Variants in SDHAF3 observed in about 807,000 individuals in gnomAD.
SDHAF3 encodes the protein succinate dehydrogenase complex assembly factor 3.
SDHAF3 carries 18 observed loss-of-function variants against 11.5 expected under a neutral mutation model. That is an observed-to-expected ratio of 1.56 (90% confidence interval 1.08 to 2.32). The LOEUF (loss-of-function observed/expected upper bound fraction) is 2.32. SDHAF3 is among the 30% of genes most tolerant of loss of function. The pLI, the probability that SDHAF3 is intolerant of heterozygous loss-of-function variation, is 0.00. For synonymous variants in SDHAF3, 72 were observed against 59.3 expected, an observed-to-expected ratio of 1.21 and a Z score of -0.99; for missense variants, 200 against 154.4, an observed-to-expected ratio of 1.30 and a Z score of -1.57.
At chr7:97,138,352 A>AG (rs1447362966) in intron 1 of SDHAF3, among the ~76,000 whole-genome samples, 2 of 151,440 alleles carry the variant, frequency 1.3e-5, no homozygotes, top group Non-Finnish European at 2.9e-5. Context: ...TAGTAGAGAC[A>AG]GGGTTTCACC....
chr7:97,150,984 A>G (rs1425224899), intron 1 of SDHAF3, among the ~76,000 whole-genome samples: 1 of 152,142 alleles, frequency 6.6e-6, no homozygotes, highest in Admixed American at 6.5e-5. Context: ...AAGACTTAAT[A>G]TATTAAGATT....
intron 1 of SDHAF3, among the ~76,000 whole-genome samples, chr7:97,131,757 C>A (rs1791674509): frequency 6.6e-6 from 1 of 152,076 alleles, no homozygotes; most frequent in Non-Finnish European, 1.5e-5. Flanking sequence ...AAACTTAAAG[C>A]TTTACTAAAA....
chr7:97,169,712 G>A (rs1180767209), intron 1 of SDHAF3, among the ~76,000 whole-genome samples: 1 of 151,842 alleles, frequency 6.6e-6, no homozygotes, highest in Non-Finnish European at 1.5e-5. Context: ...TTTCTGTAGA[G>A]TGAAAAGAAA....
At chr7:97,129,861 C>T (rs759375309) in intron 1 of SDHAF3, among the ~76,000 whole-genome samples, 3 of 152,022 alleles carry the variant, frequency 2.0e-5, no homozygotes, top group Admixed American at 6.6e-5. Context: ...TGTGAGCAAG[C>T]GAGTGTGGGA....
At chr7:97,135,581 ATGTGTGTGTGTG>A (rs55801981) in intron 1 of SDHAF3, 1 of 137,142 alleles carries the variant, frequency 7.3e-6, no homozygotes, top group Non-Finnish European at 1.5e-5. Context: ...TAGTCCCCAT[ATGTGTGTGTGTG>A]TGTGTGTGTC....
At chr7:97,171,326 A>G (rs1433956193) in intron 1 of SDHAF3, among the ~76,000 whole-genome samples, 1 of 152,162 alleles carries the variant, frequency 6.6e-6, no homozygotes, top group East Asian at 1.9e-4. Flanking sequence ...TGTTTACATT[A>G]AAGAATACAA....
At chr7:97,171,617 G>C (rs1458413550) in intron 1 of SDHAF3, among the ~76,000 whole-genome samples, 1 of 152,020 alleles carries the variant, frequency 6.6e-6, no homozygotes, top group Non-Finnish European at 1.5e-5. Flanking sequence ...CTATACAGTT[G>C]ATGAGTACCT....
At chr7:97,139,914 A>G (rs1256014346) in intron 1 of SDHAF3, among the ~76,000 whole-genome samples, 2 of 152,156 alleles carry the variant, frequency 1.3e-5, no homozygotes, top group African/African-American at 2.4e-5. Flanking sequence ...TAGTTATTTC[A>G]TGAATAATCT....
At chr7:97,166,746 C>G (rs911914568) in intron 1 of SDHAF3, among the ~76,000 whole-genome samples, 3 of 150,666 alleles carry the variant, frequency 2.0e-5, no homozygotes, top group South Asian at 2.1e-4. Context: ...AGTTAGTTGG[C>G]GGGGGGGGCT....
At chr7:97,145,484 A>G (rs1053368292) in intron 1 of SDHAF3, among the ~76,000 whole-genome samples, 2 of 152,130 alleles carry the variant, frequency 1.3e-5, no homozygotes, top group Non-Finnish European at 2.9e-5. Context: ...CTTCATGAGT[A>G]ATCACTGAAT....
rs546177657 is a variant in SDHAF3, at chr7:97,160,091, C to T, written c.175-20921C>T. Among the ~76,000 whole-genome samples the T allele has an allele frequency of 4.0e-5, 6 of 149,516 alleles. No homozygotes were observed. The East Asian group carries it at 6.1e-4, about 15-fold the overall frequency. ...GCTGCCCTATCTGGGAAGTGAGGAG[C>T]GCCTCTGCCCGGCCGTCCCATCTGG... is the stretch of plus-strand genomic sequence containing the variant. On this transcript the variant is annotated intron_variant, in intron 1 of 1. Transcript: ENST00000432641.
chr7:97,139,535 A>C (rs1423689890), intron 1 of SDHAF3, among the ~76,000 whole-genome samples: 1 of 152,218 alleles, frequency 6.6e-6, no homozygotes, highest in Non-Finnish European at 1.5e-5. Flanking sequence ...AGCACCAGAC[A>C]GGAAGAGAGG....
chr7:97,179,277 G>A (rs890099058), intron 1 of SDHAF3, among the ~76,000 whole-genome samples: 4 of 152,104 alleles, frequency 2.6e-5, no homozygotes, highest in Non-Finnish European at 4.4e-5. Flanking sequence ...TGAGTCCTCT[G>A]TTTTTGCTAT....
chr7:97,158,792 T>G (rs915833645), intron 1 of SDHAF3, among the ~76,000 whole-genome samples: 2 of 152,244 alleles, frequency 1.3e-5, no homozygotes, highest in African/African-American at 4.8e-5. Flanking sequence ...ATTTTTAACT[T>G]TAGCTAACTT....
chr7:97,149,848 G>A (rs1488668532), intron 1 of SDHAF3, among the ~76,000 whole-genome samples: 1 of 152,206 alleles, frequency 6.6e-6, no homozygotes, highest in East Asian at 1.9e-4. Context: ...TTGATCTGTA[G>A]CATGCAATGC....
intron 1 of SDHAF3, among the ~76,000 whole-genome samples, chr7:97,148,273 A>T (rs1459934485): frequency 6.6e-6 from 1 of 152,178 alleles, no homozygotes; most frequent in African/African-American, 2.4e-5. Context: ...AGTGGCTTGC[A>T]ACTATAATCC....
At chr7:97,178,671 C>CTA (rs1161571661) in intron 1 of SDHAF3, among the ~76,000 whole-genome samples, 2 of 152,074 alleles carry the variant, frequency 1.3e-5, no homozygotes, top group Non-Finnish European at 2.9e-5. Context: ...GGAGAAATGT[C>CTA]TATTCATGTG....
intron 1 of SDHAF3, among the ~76,000 whole-genome samples, chr7:97,152,045 A>G (rs1051815950): frequency 7.2e-5 from 11 of 152,184 alleles, no homozygotes; most frequent in Admixed American, 3.9e-4. Context: ...CTGTGAGTTT[A>G]GACAAATGTA....
intron 1 of SDHAF3, among the ~76,000 whole-genome samples, chr7:97,171,059 A>G (rs1272089555): frequency 6.6e-6 from 1 of 152,116 alleles, no homozygotes; most frequent in Non-Finnish European, 1.5e-5. Context: ...ATGTGCTTCA[A>G]ATCCCCAAAG....
Sources: allele counts gnomAD v4.1 joint callset (sites outside exome capture counted in the v4.1 genomes callset), GRCh38; gene constraint gnomAD v4.1.1; transcripts MANE v1.5; gene names NCBI Gene and HGNC (gene_info 2026-07-23, HGNC 2026-07-21).